GRIA4: variants seen among roughly 807,000 people sequenced by gnomAD.
GRIA4 encodes the protein glutamate ionotropic receptor AMPA type subunit 4, also known as glutamate receptor 4.
A neutral mutation model predicts 104.0 loss-of-function variants in GRIA4; 34 were observed. That is an observed-to-expected ratio of 0.33 (90% CI 0.25 to 0.44). The LOEUF (loss-of-function observed/expected upper bound fraction) is 0.44, where lower values mean the gene tolerates loss of function less well. GRIA4 is among the 20% of genes least tolerant of loss of function. GRIA4 has a pLI of 1.00. For synonymous variants in GRIA4, 386 were observed against 381.9 expected (o/e 1.01, Z -0.13); for missense variants, 750 against 1,096.5 (o/e 0.68, Z 4.46).
intron 14 of GRIA4, chr11:105,966,144 C>T: frequency 1.1e-6 from 1 of 922,670 alleles, no homozygotes. Context: ...GTTTGGACCT[C>T]CTAATACCAG....
chr11:105,801,807 T>C (rs1320241019), intron 4 of GRIA4, among the ~76,000 whole-genome samples: 1 of 152,150 alleles, frequency 6.6e-6, no homozygotes, highest in Non-Finnish European at 1.5e-5. Flanking sequence ...TTGGTAGATA[T>C]TGTGCTTCTG....
intron 6 of GRIA4, among the ~76,000 whole-genome samples, chr11:105,888,994 CTT>C (rs770311788): frequency 6.6e-5 from 10 of 151,848 alleles, no homozygotes; most frequent in East Asian, 1.9e-4. Context: ...GAGAAAAAAA[CTT>C]AGGATTATGA....
Position 105,903,925 on chromosome 11 carries a change from G to A in GRIA4, c.997G>A (p.Ala333Thr), listed in dbSNP as rs1160949246. The A allele has an allele frequency of 1.9e-6, 3 of 1,613,464 alleles. No homozygotes were observed. The highest frequency in any genetic ancestry group is 2.5e-6 in the Non-Finnish European group (3 of 1,179,506). The change falls in exon 8 of 17, where the codon GCA becomes ACA. Residue 333 changes from alanine to threonine, a missense_variant. By Grantham distance (58) the Ala-to-Thr change is moderately conservative. Coordinates refer to ENST00000282499, the MANE Select transcript of GRIA4 (RefSeq NM_000829.4). ...GAGAGGAAATGCTGGGGATTGTCTG[G>A]CAAATCCTGCTGCTCCATGGGGCCA... Reference protein sequence around the residue: ...SRRGNAGDCLANPAAPWGQGI... With the variant: ...SRRGNAGDCLTNPAAPWGQGI...
intron 4 of GRIA4, among the ~76,000 whole-genome samples, chr11:105,802,092 T>G (rs1171026140): frequency 3.9e-5 from 6 of 152,014 alleles, no homozygotes; most frequent in African/African-American, 1.4e-4. Context: ...TGCGGCCACA[T>G]CAAAGAGACT....
chr11:105,777,936 TC>T (rs1419053851), intron 4 of GRIA4, among the ~76,000 whole-genome samples: 2 of 152,126 alleles, frequency 1.3e-5, no homozygotes, highest in Non-Finnish European at 2.9e-5. Context: ...TGAAGAACCA[TC>T]CGGGCCAGAC....
At chr11:105,904,052 C>A in intron 8 of GRIA4, 71 bp downstream of exon 8, 1 of 1,041,254 alleles carries the variant, frequency 9.6e-7, no homozygotes, top group Non-Finnish European at 1.4e-6. Flanking sequence ...AAAAAACAGA[C>A]TAATTTATCC....
intron 4 of GRIA4, among the ~76,000 whole-genome samples, chr11:105,763,163 A>G (rs1250488127): frequency 6.6e-6 from 1 of 152,168 alleles, no homozygotes; most frequent in Non-Finnish European, 1.5e-5. Context: ...CAAGAAATAT[A>G]ATTTTCTAGA....
chr11:105,926,200 G>A (rs1319082094), intron 12 of GRIA4, among the ~76,000 whole-genome samples: 1 of 137,128 alleles, frequency 7.3e-6, no homozygotes, highest in East Asian at 2.0e-4. Flanking sequence ...CATCATCCTG[G>A]CAGGGCTCTG....
chr11:105,958,644 G>A (rs959555918), intron 14 of GRIA4, among the ~76,000 whole-genome samples: 2 of 152,122 alleles, frequency 1.3e-5, no homozygotes, highest in Non-Finnish European at 1.5e-5. Flanking sequence ...GAGTTAGGGA[G>A]GATTCTCTCT....
intron 16 of GRIA4, among the ~76,000 whole-genome samples, chr11:105,977,938 T>A (rs1859070471): frequency 6.6e-6 from 1 of 152,068 alleles, no homozygotes; most frequent in South Asian, 2.1e-4. Context: ...AATGCTCAAA[T>A]GGAATTGAAT....
intron 4 of GRIA4, among the ~76,000 whole-genome samples, chr11:105,817,001 CAAGTGAA>C (rs1168417599): frequency 0.13 from 54 of 406 alleles, 1 homozygote; most frequent in Non-Finnish European, 0.032. Flanking sequence ...GCCTGGGTAA[CAAGTGAA>C]ACAGAGTGAA....
chr11:105,765,928 G>A (rs929589100), intron 4 of GRIA4, among the ~76,000 whole-genome samples: 2 of 152,134 alleles, frequency 1.3e-5, no homozygotes, highest in South Asian at 2.1e-4. Context: ...TGAGGTTTGT[G>A]TTTCATTACT....
rs112280653 is a variant in GRIA4 at position 105,770,319 on chromosome 11, C to A, written c.487+17099C>A. Among the ~76,000 whole-genome samples, 129 of 152,148 alleles carry A rather than the reference C, an allele frequency of 8.5e-4. 1 individual carries two copies. The highest frequency in any genetic ancestry group is 3.0e-3 in the African/African-American group (123 of 41,528). On this transcript the variant is annotated intron_variant, in intron 4 of 16. Coordinates refer to ENST00000282499, the MANE Select transcript of GRIA4 (RefSeq NM_000829.4). ...GGGAAGAAAATTCATTCTTAAAAGT[C>A]TCGTGTTTAATATAAGAAATGTGTT...
intron 3 of GRIA4, among the ~76,000 whole-genome samples, chr11:105,687,122 G>A (rs1290603679): frequency 6.6e-6 from 1 of 152,072 alleles, no homozygotes; most frequent in African/African-American, 2.4e-5. Flanking sequence ...TGAAGAATTA[G>A]TTATAAATTA....
chr11:105,734,158 A>G lies in GRIA4; in HGVS notation c.248-18823A>G, dbSNP rs554426062. 1.1e-3 allele frequency among the ~76,000 whole-genome samples: 169 copies of G among 150,722 alleles called. 1 individual carries two copies. The highest frequency in any genetic ancestry group is 3.6e-3 in the African/African-American group (150 of 41,162). On this transcript the variant is annotated intron_variant, in intron 3 of 16. Transcript: ENST00000282499. The stretch of plus-strand genomic sequence containing the variant: ...TCTACTCAATTGGCATTTTCCCTTG[A>G]ATTTTCTCCAGGCATCTCAAACTAA...
intron 4 of GRIA4, among the ~76,000 whole-genome samples, chr11:105,781,315 C>T (rs1941716318): frequency 6.6e-6 from 1 of 152,114 alleles, no homozygotes; most frequent in African/African-American, 2.4e-5. Flanking sequence ...AATTCTCTCA[C>T]ACAATGCTCC....
At chr11:105,924,221 C>G (rs1409954033) in intron 11 of GRIA4, among the ~76,000 whole-genome samples, 178 bp from the exon 12 acceptor site, 1 of 151,804 alleles carries the variant, frequency 6.6e-6, no homozygotes, top group Non-Finnish European at 1.5e-5. Flanking sequence ...TAAGTAATAT[C>G]TTATGAAAAA....
At position 105,981,255 on chromosome 11, in the gene GRIA4, G is replaced by A. The variant is rs1031231899; in HGVS notation, c.*1516G>A. On this transcript the variant is annotated 3_prime_UTR_variant, in exon 17 of 17. Coordinates refer to ENST00000282499, the MANE Select transcript of GRIA4 (RefSeq NM_000829.4). ...TACAGATAAAAATCATGTACTTAGG[G>A]TATTGGCAGAAAGCACAAGTTAGGA... The A allele has an allele frequency of 1.3e-5, 2 of 152,538 alleles. No homozygotes were observed. The highest frequency in any genetic ancestry group is 2.9e-5 in the Non-Finnish European group (2 of 68,016). 9.4% of individuals were successfully genotyped at this position (152,538 alleles called of 1,614,324 possible). A position where few individuals can be genotyped will look rare whatever the true frequency, so the allele number is the denominator to read the frequency against.
chr11:105,893,313 C>A (rs1291725058), intron 6 of GRIA4, among the ~76,000 whole-genome samples: 2 of 152,030 alleles, frequency 1.3e-5, no homozygotes, highest in African/African-American at 4.8e-5. Flanking sequence ...AAATTGAAAT[C>A]AAAATGGCCA....
Sources: gnomAD v4.1 joint callset for allele counts (sites outside exome capture counted in the v4.1 genomes callset) on GRCh38, gnomAD v4.1.1 for gene constraint, MANE v1.5 for transcripts, NCBI Gene and HGNC (gene_info 2026-07-23, HGNC 2026-07-21) for gene names.